The following PPP6R3 variants were observed in gnomAD, a reference collection of about 807,000 sequenced individuals.
The protein encoded by PPP6R3 is serine/threonine-protein phosphatase 6 regulatory subunit 3.
In PPP6R3, 38 loss-of-function variants were observed where a neutral mutation model predicts 110.7. The ratio of observed to expected loss-of-function variants is 0.34; its 90% CI spans 0.26 to 0.45. The LOEUF is 0.45. Ranked by LOEUF, PPP6R3 falls within the 20% of genes least tolerant of loss-of-function variation. PPP6R3 has a pLI of 1.00. For synonymous variants in PPP6R3, 369 were observed against 373.5 expected, an observed-to-expected ratio of 0.99 and a Z score of 0.14; for missense variants, 870 against 1,062.4, an observed-to-expected ratio of 0.82 and a Z score of 2.52.
chr11:68,589,193 A>AGG (rs1296817986), intron 16 of PPP6R3, among the ~76,000 whole-genome samples: 1 of 152,092 alleles, frequency 6.6e-6, no homozygotes, highest in African/African-American at 2.4e-5. Context: ...TGGGCAACAC[A>AGG]GGGAGACCCT....
chr11:68,526,202 G>A (rs934095013), intron 2 of PPP6R3, among the ~76,000 whole-genome samples: 1 of 151,936 alleles, frequency 6.6e-6, no homozygotes, highest in Non-Finnish European at 1.5e-5. Context: ...TGCTTCAGAT[G>A]GGAAACCTTT....
intron 18 of PPP6R3, among the ~76,000 whole-genome samples, chr11:68,594,480 G>A (rs542630608): frequency 6.6e-6 from 1 of 152,014 alleles, no homozygotes; most frequent in African/African-American, 2.4e-5. Context: ...AACATAGGGA[G>A]ACCCCATCTC....
Position 68,544,850 on chromosome 11 carries a change from A to G in PPP6R3, c.240A>G (p.Ile80Met), listed in dbSNP as rs748618569. 19 of 1,595,328 alleles carry G rather than the reference A, an allele frequency of 1.2e-5. No homozygotes were observed. Among genetic ancestry groups the G allele is most frequent in the East Asian group, 4.5e-5 (2 of 44,752 alleles). The change falls in exon 4 of 24, where the codon ATA becomes ATG. Residue 80 changes from isoleucine to methionine, a missense_variant. Transcript: ENST00000393800. ...DEKIRYKYPN[I>M]SCELLTSDVS... The stretch of plus-strand genomic sequence containing the variant: ...CCTGTTCTTCTAGGTATCCAAATAT[A>G]TCTTGTGAGTTGCTCACTTCTGATG...
chr11:68,602,267 T>C (rs1420509633), intron 21 of PPP6R3, among the ~76,000 whole-genome samples: 1 of 152,188 alleles, frequency 6.6e-6, no homozygotes, highest in Non-Finnish European at 1.5e-5. Flanking sequence ...GAATTAGACG[T>C]GTGCAGCCAA....
At chr11:68,549,780 G>GGA (rs1370719242) in intron 5 of PPP6R3, among the ~76,000 whole-genome samples, 5 of 152,128 alleles carry the variant, frequency 3.3e-5, no homozygotes, top group Admixed American at 2.6e-4. Context: ...GTGTGTTTCT[G>GGA]GAGAGAGAGA....
At chr11:68,494,448 G>A (rs976403885) in intron 1 of PPP6R3, among the ~76,000 whole-genome samples, 7 of 143,968 alleles carry the variant, frequency 4.9e-5, no homozygotes, top group Admixed American at 2.8e-4. Flanking sequence ...GTACCTATAC[G>A]CAAGTGTATC....
chr11:68,467,920 G>A lies in PPP6R3; in HGVS notation c.-158+7093G>A, dbSNP rs1288548171. 5.9e-5 allele frequency among the ~76,000 whole-genome samples: 9 copies of A among 152,232 alleles called. No homozygotes were observed. The East Asian group carries it at 7.7e-4, about 13-fold the overall frequency. ...CTCCCGAGTAGCTGGGACTACAGGCGTGTGCCATCACACCCAGCTAATTTT... is the reference window on the plus strand; with the variant it reads ...CTCCCGAGTAGCTGGGACTACAGGCATGTGCCATCACACCCAGCTAATTTT... On this transcript the variant is annotated intron_variant, in intron 1 of 23. Transcript: ENST00000393800.
At chr11:68,587,459 A>C (rs901248001) in intron 15 of PPP6R3, 1 of 173,150 alleles carries the variant, frequency 5.8e-6, no homozygotes, top group African/African-American at 2.4e-5. Context: ...TGTGTTCATC[A>C]GTCGGTTTTC....
chr11:68,587,895 T>G, intron 15 of PPP6R3, 32 bp from the exon 16 acceptor site: 1 of 1,524,422 alleles, frequency 6.6e-7, no homozygotes, highest in Non-Finnish European at 9.1e-7. Flanking sequence ...TTAGAATCAT[T>G]ATATCACTGT....
chr11:68,576,442 T>G (rs1264068841), intron 14 of PPP6R3, among the ~76,000 whole-genome samples: 1 of 152,244 alleles, frequency 6.6e-6, no homozygotes, highest in Non-Finnish European at 1.5e-5. Flanking sequence ...TCTGATATTA[T>G]TGAGTTGAGT....
intron 1 of PPP6R3, among the ~76,000 whole-genome samples, chr11:68,482,287 G>A (rs1341299974): frequency 4.6e-5 from 7 of 150,892 alleles, no homozygotes; most frequent in Non-Finnish European, 7.4e-5. Flanking sequence ...GGTGGCGGGC[G>A]CCTGTAATCC....
chr11:68,527,592 C>T (rs2099206420), intron 2 of PPP6R3, among the ~76,000 whole-genome samples: 1 of 150,394 alleles, frequency 6.6e-6, no homozygotes, highest in Non-Finnish European at 1.5e-5. Context: ...GTCATCTCCA[C>T]GTCACTTCCA....
chr11:68,606,486 T>C (rs1940040165), intron 22 of PPP6R3, among the ~76,000 whole-genome samples: 1 of 151,336 alleles, frequency 6.6e-6, no homozygotes, highest in African/African-American at 2.4e-5. Context: ...TAGTTTTTTT[T>C]TTTTTTTTTT....
At chr11:68,573,464 G>A (rs939864039) in intron 12 of PPP6R3, among the ~76,000 whole-genome samples, 2 of 151,970 alleles carry the variant, frequency 1.3e-5, no homozygotes, top group Admixed American at 6.6e-5. Context: ...TACGAATTAA[G>A]TGTAAAGATT....
chr11:68,573,133 TATATATATATATATATATATAA>T (rs2153793899), intron 12 of PPP6R3, among the ~76,000 whole-genome samples: 1 of 106,396 alleles, frequency 9.4e-6, no homozygotes, highest in South Asian at 3.5e-4. Context: ...TATATATATA[TATATATATATATATATATATAA>T]TTTTTTTTTT....
chr11:68,567,261 G>A, intron 10 of PPP6R3, 95 bp downstream of exon 10: 1 of 1,307,248 alleles, frequency 7.6e-7, no homozygotes. Context: ...CATTATGTCA[G>A]TGACTTTTCT....
chr11:68,465,171 C>T (rs1040093112), intron 1 of PPP6R3, among the ~76,000 whole-genome samples: 2 of 152,204 alleles, frequency 1.3e-5, no homozygotes, highest in African/African-American at 4.8e-5. Context: ...CGTGAGCCAC[C>T]ATGCCTGTTT....
At chr11:68,562,424 A>G (rs2099428629) in intron 8 of PPP6R3, among the ~76,000 whole-genome samples, 1 of 152,244 alleles carries the variant, frequency 6.6e-6, no homozygotes, top group Non-Finnish European at 1.5e-5. Context: ...AGGATTTTTT[A>G]GAAATCAAGT....
chr11:68,468,846 C>A (rs12360903), intron 1 of PPP6R3, among the ~76,000 whole-genome samples: 35,163 of 152,144 alleles, frequency 0.23, 4,310 homozygotes, highest in Middle Eastern at 0.33. Context: ...AGTTTGCTTT[C>A]TAAAACATCT....
Sources: allele counts gnomAD v4.1 joint callset (sites outside exome capture counted in the v4.1 genomes callset), GRCh38; gene constraint gnomAD v4.1.1; transcripts MANE v1.5; gene names NCBI Gene and HGNC (gene_info 2026-07-23, HGNC 2026-07-21).